The following LUZP2 variants were observed in gnomAD, a reference collection of about 807,000 sequenced individuals.
LUZP2 encodes the protein leucine zipper protein 2.
Under a neutral mutation model 51.6 loss-of-function variants are expected in LUZP2, and 52 were observed. That is an observed-to-expected ratio of 1.01 (90% CI 0.81 to 1.27). LUZP2 has a LOEUF of 1.27. Ranked by LOEUF, LUZP2 falls within the 50% of genes most tolerant of loss-of-function variation. LUZP2 has a pLI of 0.00. For synonymous variants in LUZP2, 154 were observed against 137.3 expected (o/e 1.12, Z -0.85); for missense variants, 436 against 395.4 (o/e 1.10, Z -0.87).
Position 24,682,130 on chromosome 11 carries a change from G to A in LUZP2, c.63-47039G>A, listed in dbSNP as rs535852932. On this transcript the variant is annotated intron_variant, in intron 1 of 11. Transcript: ENST00000336930. ...TAATGACGATTGAAAATAGTTCTAA[G>A]ATATTCCACCTTCATCAACTTTTAC... Among the ~76,000 whole-genome samples the A allele has an allele frequency of 1.6e-4, 25 of 152,246 alleles. No individual in the cohort carries two copies. The South Asian group carries it at 5.2e-3, about 32-fold the overall frequency.
chr11:24,682,249 C>G (rs557694479), intron 1 of LUZP2, among the ~76,000 whole-genome samples: 1 of 152,152 alleles, frequency 6.6e-6, no homozygotes, highest in African/African-American at 2.4e-5. Flanking sequence ...AATCCCAGCA[C>G]TTTGGGAGAC....
At chr11:24,881,993 T>A (rs1336088286) in intron 5 of LUZP2, among the ~76,000 whole-genome samples, 1 of 152,024 alleles carries the variant, frequency 6.6e-6, no homozygotes, top group Non-Finnish European at 1.5e-5. Context: ...ATTCCTTATT[T>A]AATTAGATCT....
chr11:24,798,988 A>G (rs1590549106), intron 5 of LUZP2, among the ~76,000 whole-genome samples: 2 of 152,164 alleles, frequency 1.3e-5, no homozygotes, highest in South Asian at 2.1e-4. Context: ...TGAGGCACAC[A>G]AAATTTACAA....
intron 1 of LUZP2, among the ~76,000 whole-genome samples, chr11:24,706,872 C>T (rs1028433400): frequency 1.3e-5 from 2 of 151,730 alleles, no homozygotes; most frequent in Non-Finnish European, 2.9e-5. Flanking sequence ...TTCAGGGAAC[C>T]TCTCTCTTCT....
At chr11:24,559,798 CTT>C (rs2133768838) in intron 1 of LUZP2, among the ~76,000 whole-genome samples, 1 of 152,214 alleles carries the variant, frequency 6.6e-6, no homozygotes, top group East Asian at 1.9e-4. Flanking sequence ...TGTCTCTAAA[CTT>C]ATAGAAAGGG....
At chr11:25,017,658 C>CCT (rs1442346856) in intron 9 of LUZP2, among the ~76,000 whole-genome samples, 1 of 152,102 alleles carries the variant, frequency 6.6e-6, no homozygotes, top group Non-Finnish European at 1.5e-5. Flanking sequence ...GTGACTATAG[C>CCT]CTTATTGCAT....
At chr11:24,575,395 A>C (rs908263162) in intron 1 of LUZP2, among the ~76,000 whole-genome samples, 2 of 152,106 alleles carry the variant, frequency 1.3e-5, no homozygotes, top group South Asian at 4.1e-4. Context: ...TGCATATTTT[A>C]GGTGAAATTA....
chr11:24,710,661 A>T (rs1472397948), intron 1 of LUZP2, among the ~76,000 whole-genome samples: 1 of 152,166 alleles, frequency 6.6e-6, no homozygotes, highest in Non-Finnish European at 1.5e-5. Context: ...ATCACAACAA[A>T]TTTCTACTAC....
chr11:24,698,077 A>T (rs1186127776), intron 1 of LUZP2, among the ~76,000 whole-genome samples: 1 of 152,120 alleles, frequency 6.6e-6, no homozygotes. Context: ...AAGGCTAGGG[A>T]TGGAGGTGGA....
Position 24,738,276 on chromosome 11 carries a change from G to A in LUZP2, c.307G>A (p.Glu103Lys). The change falls in exon 4 of 12, where the codon GAG (glutamate) becomes AAG (lysine). Residue 103 changes from glutamate to lysine, a missense_variant. Transcript: ENST00000336930. ...GCAAAATCAGCTTAAGGAGACATCA[G>A]AGAAAGCAGAAAAACACCAGGCTAC... is the stretch of plus-strand genomic sequence containing the variant. ...ALQNQLKETSEKAEKHQATIN... is the reference protein window; with the variant it reads ...ALQNQLKETSKKAEKHQATIN... 1.9e-6 allele frequency: 3 copies of A among 1,612,588 alleles called. No individual in the cohort carries two copies. The highest frequency in any genetic ancestry group is 2.5e-6 in the Non-Finnish European group (3 of 1,179,086).
intron 10 of LUZP2, among the ~76,000 whole-genome samples, chr11:25,055,063 T>A (rs917067488): frequency 4.9e-5 from 7 of 144,280 alleles, no homozygotes; most frequent in African/African-American, 1.8e-4. Context: ...CAGGCTGGAG[T>A]GCCCTGGCGC....
At chr11:24,711,486 TAAATAAAG>T (rs1461145287) in intron 1 of LUZP2, among the ~76,000 whole-genome samples, 4 of 111,196 alleles carry the variant, frequency 3.6e-5, no homozygotes, top group South Asian at 5.3e-4. Context: ...AATAAATAAA[TAAATAAAG>T]ATTTTCTTTT....
At chr11:24,982,584 G>C (rs895103417) in intron 8 of LUZP2, among the ~76,000 whole-genome samples, 2 of 151,680 alleles carry the variant, frequency 1.3e-5, no homozygotes, top group African/African-American at 4.8e-5. Context: ...AGGAAACAAC[G>C]GATGCTGGGG....
intron 1 of LUZP2, among the ~76,000 whole-genome samples, chr11:24,585,602 T>G (rs1853036158): frequency 6.6e-6 from 1 of 152,056 alleles, no homozygotes; most frequent in Non-Finnish European, 1.5e-5. Flanking sequence ...TTTAGAATGT[T>G]AAAAAAACAA....
intron 5 of LUZP2, among the ~76,000 whole-genome samples, chr11:24,811,433 C>G (rs546581044): frequency 2.0e-5 from 3 of 152,150 alleles, no homozygotes; most frequent in African/African-American, 7.2e-5. Flanking sequence ...GCTGTCTTAT[C>G]TGACATAGTT....
chr11:24,824,291 G>A (rs1335685301), intron 5 of LUZP2, among the ~76,000 whole-genome samples: 4 of 144,252 alleles, frequency 2.8e-5, no homozygotes, highest in Non-Finnish European at 6.0e-5. Context: ...GCTTGAACCC[G>A]GGAAGTGGAA....
intron 10 of LUZP2, among the ~76,000 whole-genome samples, chr11:25,063,596 T>C (rs1011333750): frequency 6.6e-6 from 1 of 151,894 alleles, no homozygotes; most frequent in Admixed American, 6.6e-5. Context: ...TTTTGTGTAA[T>C]TTGATCATAC....
At chr11:25,050,216 G>T in intron 10 of LUZP2, 86 bp downstream of exon 10, 2 of 487,990 alleles carry the variant, frequency 4.1e-6, no homozygotes, top group South Asian at 3.4e-5. Context: ...ATGCCACCAT[G>T]AAACTATTTA....
At chr11:24,961,053 G>A (rs985947139) in intron 7 of LUZP2, among the ~76,000 whole-genome samples, 49 of 152,124 alleles carry the variant, frequency 3.2e-4, no homozygotes, top group Admixed American at 5.9e-4. Flanking sequence ...GTAGTTGAGC[G>A]GTTTTGAGTG....
Sources: allele counts gnomAD v4.1 joint callset (sites outside exome capture counted in the v4.1 genomes callset), GRCh38; gene constraint gnomAD v4.1.1; transcripts MANE v1.5; gene names NCBI Gene and HGNC (gene_info 2026-07-23, HGNC 2026-07-21).